The following POLN variants were observed in gnomAD, a reference collection of about 807,000 sequenced individuals.
POLN encodes DNA polymerase nu.
In POLN, 108 loss-of-function variants were observed where a neutral mutation model predicts 113.5. The ratio of observed to expected loss-of-function variants is 0.95; its 90% CI spans 0.81 to 1.12. POLN has a LOEUF of 1.12. POLN is among the 50% of genes most tolerant of loss of function. The pLI is 0.00. For synonymous variants in POLN, 386 were observed against 391.5 expected (o/e 0.99, Z 0.17); for missense variants, 1,097 against 1,077.1 (o/e 1.02, Z -0.26).
At chr4:2,124,993 G>A (rs1368898984) in intron 19 of POLN, among the ~76,000 whole-genome samples, 1 of 152,146 alleles carries the variant, frequency 6.6e-6, no homozygotes, top group African/African-American at 2.4e-5. Flanking sequence ...CAATAAATGA[G>A]GTCTTCAACC....
intron 6 of POLN, among the ~76,000 whole-genome samples, chr4:2,197,517 G>T (rs1035091725): frequency 6.6e-6 from 1 of 152,204 alleles, no homozygotes; most frequent in African/African-American, 2.4e-5. Flanking sequence ...CAGGAGTTCA[G>T]TTTGGACATG....
intron 2 of POLN, among the ~76,000 whole-genome samples, chr4:2,236,654 T>C (rs1180730049): frequency 6.6e-6 from 1 of 151,732 alleles, no homozygotes; most frequent in Non-Finnish European, 1.5e-5. Flanking sequence ...AGCTCAGGAG[T>C]TCGAGACCAG....
Position 2,096,622 on chromosome 4 carries a change from A to T in POLN, c.1983-689T>A, listed in dbSNP as rs146202382. Among the ~76,000 whole-genome samples the T allele has an allele frequency of 1.5e-4, 23 of 151,036 alleles. No individual in the cohort carries two copies. In the East Asian group the frequency reaches 4.3e-3, roughly 28 times the overall value. On this transcript the variant is annotated intron_variant, in intron 19 of 25. Coordinates refer to ENST00000511885, the MANE Select transcript of POLN (RefSeq NM_181808.4). ...CCTCCTGCCTGCTGCTTTTGTAAAC[A>T]TCCTTATCATCTACACCAGGCCTCC... is the stretch of plus-strand genomic sequence containing the variant.
chr4:2,131,170 G>A (rs185128663), intron 17 of POLN, 63 bp downstream of exon 17: 165 of 1,196,016 alleles, frequency 1.4e-4, no homozygotes, highest in Non-Finnish European at 1.6e-4. Context: ...GGGTGACAGA[G>A]TGACACCCTA....
At chr4:2,203,544 C>T (rs1254135112) in intron 5 of POLN, among the ~76,000 whole-genome samples, 1 of 150,166 alleles carries the variant, frequency 6.7e-6, no homozygotes, top group Non-Finnish European at 1.5e-5. Flanking sequence ...TGTACCACTG[C>T]ACTCCAGCCT....
chr4:2,157,967 G>A (rs1288749156), intron 14 of POLN, 56 bp from the exon 15 acceptor site: 1 of 1,412,346 alleles, frequency 7.1e-7, no homozygotes, highest in South Asian at 1.2e-5. Flanking sequence ...CTTTTTTTGT[G>A]GGGGGAAGGA....
chr4:2,127,590 T>G lies in POLN; in HGVS notation c.1982+523A>C, dbSNP rs990517745. ...CCAGGAGGAAGAGAAGCCAACGTCC[T>G]GAGAATATGATGAAAAAGGACGGGC... is the stretch of plus-strand genomic sequence containing the variant. On this transcript the variant is annotated intron_variant, in intron 19 of 25. Coordinates refer to ENST00000511885, the MANE Select transcript of POLN (RefSeq NM_181808.4). This position sits in a 1 kb window ranked among gnomAD's most constrained non-coding sequence, Gnocchi z 4.7. Among the ~76,000 whole-genome samples, 1 of 152,080 alleles carries G rather than the reference T, an allele frequency of 6.6e-6. No individual in the cohort carries two copies. The highest frequency in any genetic ancestry group is 1.5e-5 in the Non-Finnish European group (1 of 67,998).
At chr4:2,221,341 G>T (rs971887928) in intron 3 of POLN, among the ~76,000 whole-genome samples, 1 of 151,998 alleles carries the variant, frequency 6.6e-6, no homozygotes, top group Non-Finnish European at 1.5e-5. Context: ...ATAAAATCTT[G>T]GGAATCCCAA....
intron 7 of POLN, among the ~76,000 whole-genome samples, chr4:2,182,668 A>C (rs960771608): frequency 6.6e-6 from 1 of 152,208 alleles, no homozygotes; most frequent in Non-Finnish European, 1.5e-5. Context: ...AAAATTAACC[A>C]AAAATGGATC....
chr4:2,211,662 A>T (rs1033923394), intron 4 of POLN, among the ~76,000 whole-genome samples: 2 of 152,074 alleles, frequency 1.3e-5, no homozygotes, highest in Non-Finnish European at 2.9e-5. Context: ...CTGTAGTCTC[A>T]GCTACTTGGG....
intron 24 of POLN, among the ~76,000 whole-genome samples, chr4:2,074,168 G>A (rs763817833): frequency 6.6e-6 from 1 of 152,238 alleles, no homozygotes; most frequent in Non-Finnish European, 1.5e-5. Context: ...TGCTCAGAGA[G>A]GGGCAGCAAG....
intron 2 of POLN, chr4:2,236,319 T>C: frequency 1.9e-6 from 3 of 1,613,674 alleles, no homozygotes; most frequent in Non-Finnish European, 2.5e-6. Flanking sequence ...AAAGAAAGAA[T>C]GTTCTTGAGC....
intron 19 of POLN, among the ~76,000 whole-genome samples, chr4:2,107,062 G>C (rs1192999843): frequency 6.6e-6 from 1 of 151,938 alleles, no homozygotes; most frequent in African/African-American, 2.4e-5. Context: ...ACATTTCTCA[G>C]ATCTTGCACA....
At chr4:2,081,258 C>A in intron 22 of POLN, 1 of 1,370,878 alleles carries the variant, frequency 7.3e-7, no homozygotes, top group South Asian at 1.3e-5. Context: ...GTGCCTTACT[C>A]CTGGAGGCCT....
At chr4:2,235,657 T>C (rs1734734247) in intron 2 of POLN, among the ~76,000 whole-genome samples, 1 of 152,222 alleles carries the variant, frequency 6.6e-6, no homozygotes, top group African/African-American at 2.4e-5. Context: ...GATACATACC[T>C]TCAATATACA....
At position 2,191,929 on chromosome 4, in the gene POLN, A is replaced by G. The variant is rs562413257; in HGVS notation, c.1021+1275T>C. On this transcript the variant is annotated intron_variant, in intron 7 of 25. Coordinates refer to ENST00000511885, the MANE Select transcript of POLN (RefSeq NM_181808.4). ...GGAGTTCAAGACTAGCCTGGCCAGCATGGTGAAACCCCATCTCTACTAAAA... is the reference window on the plus strand; with the variant it reads ...GGAGTTCAAGACTAGCCTGGCCAGCGTGGTGAAACCCCATCTCTACTAAAA... 2.1e-3 allele frequency among the ~76,000 whole-genome samples: 326 copies of G among 152,158 alleles called. 1 individual carries two copies. Among genetic ancestry groups the G allele is most frequent in the Non-Finnish European group, 3.4e-3 (234 of 67,996 alleles).
intron 4 of POLN, 136 bp from the exon 5 acceptor site, chr4:2,208,623 T>C (rs1268686557): frequency 1.4e-6 from 1 of 691,456 alleles, no homozygotes; most frequent in East Asian, 3.0e-5. Context: ...TCAAACCTTC[T>C]AAGGAAACCC....
intron 11 of POLN, among the ~76,000 whole-genome samples, chr4:2,171,780 A>G (rs1425496155): frequency 1.3e-5 from 2 of 152,166 alleles, no homozygotes; most frequent in Admixed American, 1.3e-4. Context: ...TCTCTACAAA[A>G]AAATAAAAAT....
At chr4:2,088,864 G>A in intron 20 of POLN, 3 of 1,467,242 alleles carry the variant, frequency 2.0e-6, no homozygotes, top group East Asian at 2.5e-5. Context: ...TCTTACAGAG[G>A]TCAAGGGTGC....
Sources: allele counts gnomAD v4.1 joint callset (sites outside exome capture counted in the v4.1 genomes callset), GRCh38; gene constraint gnomAD v4.1.1; non-coding constraint Gnocchi (gnomAD v3.1); transcripts MANE v1.5; gene names NCBI Gene and HGNC (gene_info 2026-07-23, HGNC 2026-07-21).